Variants in KLHL5 observed in about 807,000 individuals in gnomAD.
KLHL5 encodes the protein kelch like family member 5.
KLHL5 carries 48 observed loss-of-function variants against 77.7 expected under a neutral mutation model. The ratio of observed to expected loss-of-function variants is 0.62; its 90% CI spans 0.49 to 0.79. KLHL5 has a LOEUF of 0.79. Ranked by LOEUF, KLHL5 falls within the 30% of genes least tolerant of loss-of-function variation. The pLI is 0.00. For missense variants in KLHL5, 723 were observed against 859.7 expected, an observed-to-expected ratio of 0.84 and a Z score of 1.99; for synonymous variants, 260 against 297.0, an observed-to-expected ratio of 0.88 and a Z score of 1.28.
At chr4:39,115,409 T>C in intron 10 of KLHL5, 79 bp downstream of exon 10, 1 of 1,579,258 alleles carries the variant, frequency 6.3e-7, no homozygotes, top group Non-Finnish European at 8.6e-7. Context: ...ATCCCCTCAA[T>C]CTTGTCCAAT....
At chr4:39,091,790 C>A (rs1333287795) in intron 5 of KLHL5, among the ~76,000 whole-genome samples, 2 of 150,882 alleles carry the variant, frequency 1.3e-5, no homozygotes, top group African/African-American at 4.9e-5. Context: ...CCCACCTCAG[C>A]CTCTCGAGTA....
chr4:39,082,188 G>T, intron 4 of KLHL5, 29 bp downstream of exon 4: 1 of 1,511,006 alleles, frequency 6.6e-7, no homozygotes, highest in South Asian at 1.3e-5. Context: ...TGAGAAAGTC[G>T]ATCCTCCATA....
chr4:39,110,349 T>G (rs1722364495), intron 8 of KLHL5, among the ~76,000 whole-genome samples: 1 of 152,236 alleles, frequency 6.6e-6, no homozygotes, highest in Non-Finnish European at 1.5e-5. Context: ...TTTTAACTAC[T>G]AGAGTAATTT....
At chr4:39,053,999 A>T (rs148784802) in intron 1 of KLHL5, among the ~76,000 whole-genome samples, 1 of 152,266 alleles carries the variant, frequency 6.6e-6, no homozygotes, top group East Asian at 1.9e-4. Flanking sequence ...CGATGAACTT[A>T]ATTTAAGTTT....
At chr4:39,096,370 T>G (rs939683213) in intron 5 of KLHL5, among the ~76,000 whole-genome samples, 3 of 152,214 alleles carry the variant, frequency 2.0e-5, no homozygotes, top group Middle Eastern at 3.4e-3. Context: ...AATAGTAAAA[T>G]TATTTATTTT....
rs1277504918 is a variant in KLHL5 at position 39,091,578 on chromosome 4, G to A, written c.1113+4851G>A. ...CTGAGTCTCCACTATTCTGCTCTCA[G>A]TTTAGTATTGTTTTCTACAGAAAGT... On this transcript the variant is annotated intron_variant, in intron 5 of 10. Transcript: ENST00000504108. Among the ~76,000 whole-genome samples the A allele has an allele frequency of 3.9e-5, 6 of 151,964 alleles. No homozygotes were observed. In the East Asian group the frequency reaches 9.6e-4, roughly 24 times the overall value.
intron 6 of KLHL5, among the ~76,000 whole-genome samples, chr4:39,097,655 A>G (rs1373946062): frequency 1.3e-5 from 2 of 152,220 alleles, no homozygotes; most frequent in Non-Finnish European, 2.9e-5. Context: ...ATAGTATTCA[A>G]AAATGTCAGT....
intron 1 of KLHL5, chr4:39,045,238 T>C: frequency 4.4e-6 from 4 of 905,344 alleles, no homozygotes; most frequent in Non-Finnish European, 4.0e-6. Context: ...CGGAGGCGGC[T>C]GCGAGGCCCT....
chr4:39,086,995 C>A (rs1720111466), intron 5 of KLHL5, among the ~76,000 whole-genome samples: 1 of 148,510 alleles, frequency 6.7e-6, no homozygotes, highest in South Asian at 2.1e-4. Flanking sequence ...ACTGCAACCT[C>A]CGCCTCCCCA....
chr4:39,115,700 G>A, intron 10 of KLHL5: 7 of 1,201,618 alleles, frequency 5.8e-6, no homozygotes, highest in Non-Finnish European at 7.2e-6. Context: ...GCCCATGTGT[G>A]AGCAGTCGGA....
intron 9 of KLHL5, among the ~76,000 whole-genome samples, chr4:39,114,202 CTGGGAAGTTCAAGAT>C (rs1194495599): frequency 2.0e-5 from 3 of 152,116 alleles, no homozygotes; most frequent in African/African-American, 7.2e-5. Flanking sequence ...GTTCTCCAGG[CTGGGAAGTTCAAGAT>C]TGGGAGGCTG....
At chr4:39,104,140 A>T (rs1721846365) in intron 7 of KLHL5, among the ~76,000 whole-genome samples, 1 of 152,134 alleles carries the variant, frequency 6.6e-6, no homozygotes, top group South Asian at 2.1e-4. Context: ...TGAAATGGGA[A>T]TGGTGGTGGG....
intron 1 of KLHL5, among the ~76,000 whole-genome samples, chr4:39,064,227 GGA>G (rs1330031437): frequency 2.0e-5 from 3 of 152,074 alleles, no homozygotes; most frequent in African/African-American, 7.2e-5. Context: ...TCTGTGTAAT[GGA>G]GAGAGGGGAA....
chr4:39,115,427 T>C (rs577251025), intron 10 of KLHL5, 97 bp downstream of exon 10: 3 of 1,561,862 alleles, frequency 1.9e-6, no homozygotes, highest in South Asian at 2.3e-5. Context: ...AATACTGAAA[T>C]ATATGGCATA....
intron 5 of KLHL5, among the ~76,000 whole-genome samples, chr4:39,096,418 C>T (rs1211376396): frequency 6.6e-6 from 1 of 151,904 alleles, no homozygotes; most frequent in Non-Finnish European, 1.5e-5. Flanking sequence ...GTAAAAAAAA[C>T]TTTATTTAAA....
intron 10 of KLHL5, chr4:39,116,332 TA>T (rs1349864833): frequency 1.3e-5 from 2 of 151,506 alleles, no homozygotes; most frequent in Non-Finnish European, 2.9e-5. Context: ...GACTCCATCT[TA>T]AAAAAAAGAA....
At chr4:39,048,289 A>G (rs748485969) in intron 1 of KLHL5, among the ~76,000 whole-genome samples, 4 of 152,106 alleles carry the variant, frequency 2.6e-5, no homozygotes, top group African/African-American at 4.8e-5. Flanking sequence ...ATGAGTTTGG[A>G]TAATGAGGGG....
downstream of KLHL5, among the ~76,000 whole-genome samples, chr4:39,128,465 T>G (rs186949265): frequency 1.3e-5 from 2 of 152,170 alleles, no homozygotes; most frequent in Admixed American, 1.3e-4. Context: ...GGCTGCAGTG[T>G]GGAACATGTG....
At chr4:39,092,995 A>C in intron 5 of KLHL5, 1 of 431,086 alleles carries the variant, frequency 2.3e-6, no homozygotes, top group Non-Finnish European at 4.6e-6. Context: ...CAGCAGTTCT[A>C]CTCCTAGGTA....
Sources: allele counts gnomAD v4.1 joint callset (sites outside exome capture counted in the v4.1 genomes callset), GRCh38; gene constraint gnomAD v4.1.1; transcripts MANE v1.5; gene names NCBI Gene and HGNC (gene_info 2026-07-23, HGNC 2026-07-21).